The following SCN7A variants were observed in gnomAD, a reference collection of about 807,000 sequenced individuals.
SCN7A encodes the protein sodium voltage-gated channel alpha subunit 7, also known as sodium channel protein type 7 subunit alpha.
SCN7A carries 138 observed loss-of-function variants against 155.2 expected under a neutral mutation model. That is an observed-to-expected ratio of 0.89 (90% confidence interval 0.77 to 1.02). The LOEUF (loss-of-function observed/expected upper bound fraction) is 1.02. Among genes scored for constraint, SCN7A ranks in the 50% least tolerant of loss-of-function variants. SCN7A has a pLI of 0.00. For synonymous variants in SCN7A, 693 were observed against 649.0 expected (o/e 1.07, Z -1.03); for missense variants, 2,058 against 1,986.6 (o/e 1.04, Z -0.68).
At chr2:166,465,565 T>C (rs540969037) in intron 8 of SCN7A, 34 bp from the exon 9 acceptor site, 2 of 1,476,164 alleles carry the variant, frequency 1.4e-6, no homozygotes, top group East Asian at 2.4e-5. Flanking sequence ...ATTCTATATG[T>C]AATTATGAGT....
chr2:166,427,270 AC>A (rs1701644201), intron 18 of SCN7A, among the ~76,000 whole-genome samples: 1 of 152,106 alleles, frequency 6.6e-6, no homozygotes, highest in African/African-American at 2.4e-5. Context: ...ACCTTGTAGA[AC>A]CATTTAATGT....
At chr2:166,464,333 A>G (rs966763116) in intron 9 of SCN7A, among the ~76,000 whole-genome samples, 14 of 152,010 alleles carry the variant, frequency 9.2e-5, no homozygotes, top group Admixed American at 4.6e-4. Context: ...TGGGCACCAG[A>G]GTGTAAGAAA....
intron 12 of SCN7A, among the ~76,000 whole-genome samples, chr2:166,446,631 C>G (rs1702068963): frequency 6.6e-6 from 1 of 152,056 alleles, no homozygotes; most frequent in Non-Finnish European, 1.5e-5. Flanking sequence ...AAATACACAT[C>G]AATGATAGAC....
intron 12 of SCN7A, among the ~76,000 whole-genome samples, chr2:166,445,697 T>A (rs1384774907): frequency 6.6e-6 from 1 of 152,032 alleles, no homozygotes; most frequent in Non-Finnish European, 1.5e-5. Flanking sequence ...CAGCCTTGCA[T>A]CCCCAGGATG....
Position 166,472,464 on chromosome 2 carries a change from A to T in SCN7A, c.444-19T>A, listed in dbSNP as rs1232340151. The T allele has an allele frequency of 6.5e-7, 1 of 1,541,736 alleles. No individual in the cohort carries two copies. The highest frequency in any genetic ancestry group is 8.9e-7 in the Non-Finnish European group (1 of 1,124,758). ...AGTATTCCTGCAGAAATTTTTTCAT[A>T]TAAATATTATTGGTGAGAATAATAC... is the stretch of plus-strand genomic sequence containing the variant. On this transcript the variant is annotated intron_variant, in intron 5 of 25. Coordinates refer to ENST00000643258, the MANE Select transcript of SCN7A (RefSeq NM_002976.4).
chr2:166,469,323 T>C (rs1282113051), intron 7 of SCN7A, among the ~76,000 whole-genome samples: 1 of 151,756 alleles, frequency 6.6e-6, no homozygotes, highest in Non-Finnish European at 1.5e-5. Context: ...GGTAGTGTAA[T>C]TTTTATCACT....
intron 15 of SCN7A, among the ~76,000 whole-genome samples, chr2:166,438,145 A>C (rs189536592): frequency 1.3e-5 from 2 of 152,070 alleles, no homozygotes; most frequent in South Asian, 4.2e-4. Context: ...TATGGGAGGG[A>C]CTTGGTGGGA....
intron 7 of SCN7A, among the ~76,000 whole-genome samples, chr2:166,466,832 T>C (rs1702544499): frequency 6.6e-6 from 1 of 152,018 alleles, no homozygotes; most frequent in Non-Finnish European, 1.5e-5. Context: ...CTTAGTTTTA[T>C]AATTTTTTTA....
intron 11 of SCN7A, among the ~76,000 whole-genome samples, chr2:166,453,476 T>C (rs529068342): frequency 1.3e-5 from 2 of 152,324 alleles, no homozygotes; most frequent in South Asian, 2.1e-4. Context: ...ATTTTATTAA[T>C]AGTCTTCATA....
intron 2 of SCN7A, among the ~76,000 whole-genome samples, chr2:166,485,604 G>C (rs551291360): frequency 6.6e-6 from 1 of 152,084 alleles, no homozygotes; most frequent in African/African-American, 2.4e-5. Context: ...CAGTGATAAA[G>C]GCAATAGAAA....
intron 3 of SCN7A, among the ~76,000 whole-genome samples, chr2:166,474,777 GA>G (rs2105506688): frequency 1.3e-5 from 2 of 151,708 alleles, no homozygotes; most frequent in East Asian, 3.9e-4. Context: ...GGATAGCAAA[GA>G]AGATCCAATG....
chr2:166,410,932 T>C (rs558774288), intron 23 of SCN7A, among the ~76,000 whole-genome samples: 53 of 152,114 alleles, frequency 3.5e-4, no homozygotes, highest in African/African-American at 1.2e-3. Flanking sequence ...AATTAGGAAT[T>C]GTTACTGCTC....
At chr2:166,411,921 G>A (rs1559086362) in intron 23 of SCN7A, among the ~76,000 whole-genome samples, 2 of 152,028 alleles carry the variant, frequency 1.3e-5, no homozygotes, top group Non-Finnish European at 2.9e-5. Flanking sequence ...GAGATTAGGT[G>A]CCTGTGTAAA....
chr2:166,436,276 C>G (rs1447788263), intron 15 of SCN7A: 2 of 251,664 alleles, frequency 7.9e-6, no homozygotes, highest in Non-Finnish European at 1.7e-5. Flanking sequence ...GGGCAGTTAC[C>G]TTCATGCTGT....
Position 166,405,974 on chromosome 2 carries a change from G to A in SCN7A, c.4655C>T (p.Ala1552Val), listed in dbSNP as rs1701062096. 1.1e-5 allele frequency: 17 copies of A among 1,612,848 alleles called. No individual in the cohort carries two copies. Among genetic ancestry groups the A allele is most frequent in the Non-Finnish European group, 1.4e-5 (17 of 1,179,404 alleles). ...AATGAGCTGGCCCTTGTTTGGTTTT[G>A]CCATGAAAAGAGGAGGATCAAGAGC... ...AAALDPPLFM[A>V]KPNKGQLIAL... The change falls in exon 26 of 26, where the codon GCA becomes GTA. Residue 1552 changes from alanine to valine, a missense_variant. Coordinates refer to ENST00000643258, the MANE Select transcript of SCN7A (RefSeq NM_002976.4).
intron 25 of SCN7A, among the ~76,000 whole-genome samples, chr2:166,407,691 AT>A (rs575055133): frequency 2.9e-4 from 44 of 151,218 alleles, no homozygotes; most frequent in East Asian, 9.7e-4. Context: ...CTCATCACTA[AT>A]TTTTTTTTAA....
At position 166,416,904 on chromosome 2, in the gene SCN7A, TA is replaced by T. The variant is rs771944468; in HGVS notation, c.3216del (p.Phe1072LeufsTer6). The T allele has an allele frequency of 2.5e-6, 4 of 1,613,030 alleles. No homozygotes were observed. The highest frequency in any genetic ancestry group is 1.1e-5 in the South Asian group (1 of 90,892). ...GCAAATAAGTCTACTCCCATGATAC[TA>T]AAAATCAGCCAGATCATCAGGCAGA... is the stretch of plus-strand genomic sequence containing the variant. ...FLVCLMIWLI[F>X]SIMGVDLFAG... is the part of the protein sequence containing the mutation. On this transcript the variant is annotated frameshift_variant, in exon 21 of 26. Coordinates refer to ENST00000643258, the MANE Select transcript of SCN7A (RefSeq NM_002976.4). LOFTEE classifies it high-confidence loss of function.
intron 9 of SCN7A, among the ~76,000 whole-genome samples, chr2:166,462,898 T>C (rs1314919231): frequency 6.6e-6 from 1 of 152,216 alleles, no homozygotes; most frequent in African/African-American, 2.4e-5. Context: ...AATTAGCATA[T>C]GCATACCTCA....
intron 10 of SCN7A, among the ~76,000 whole-genome samples, chr2:166,459,687 G>C (rs756846658): frequency 2.0e-5 from 3 of 152,004 alleles, no homozygotes; most frequent in Non-Finnish European, 4.4e-5. Flanking sequence ...GTAAAAACTT[G>C]GAGTACACTA....
Sources: gnomAD v4.1 joint callset for allele counts (sites outside exome capture counted in the v4.1 genomes callset) on GRCh38, gnomAD v4.1.1 for gene constraint, MANE v1.5 for transcripts, NCBI Gene and HGNC (gene_info 2026-07-23, HGNC 2026-07-21) for gene names.